Variants in PLXND1 observed in about 807,000 individuals in gnomAD.
PLXND1 encodes plexin-D1.
A neutral mutation model predicts 197.7 loss-of-function variants in PLXND1; 54 were observed. That is an observed-to-expected ratio of 0.27 (90% CI 0.22 to 0.34). The LOEUF (loss-of-function observed/expected upper bound fraction) is 0.34, where lower values mean the gene tolerates loss of function less well. Ranked by LOEUF, PLXND1 falls within the 10% of genes least tolerant of loss-of-function variation. The probability of loss-of-function intolerance (pLI) is 1.00; values close to 1 mark genes in which losing one functional copy is unlikely to be tolerated. For missense variants in PLXND1, 2,127 were observed against 2,699.2 expected, an observed-to-expected ratio of 0.79 and a Z score of 4.70; for synonymous variants, 1,180 against 1,161.2, an observed-to-expected ratio of 1.02 and a Z score of -0.33.
In PLXND1 at chr3:129,572,698, GC is replaced by G; in HGVS notation, c.2987del (p.Gly996AlafsTer13). On this transcript the variant is annotated frameshift_variant, in exon 15 of 36. Transcript: ENST00000324093. LOFTEE classifies it high-confidence loss of function. ...CATTCCCATGGATGGTGATCCTGGTGCCCCCGGCCTTGGGGCCCATGGTAGG... is the reference window on the plus strand; with the variant it reads ...CATTCCCATGGATGGTGATCCTGGTGCCCCGGCCTTGGGGCCCATGGTAGG... ...LEPTMGPKAG[G>X]TRITIHGNDL... 3 of 1,604,012 alleles carry G rather than the reference GC, an allele frequency of 1.9e-6. No homozygotes were observed. The highest frequency in any genetic ancestry group is 1.7e-6 in the Non-Finnish European group (2 of 1,174,906).
intron 8 of PLXND1, among the ~76,000 whole-genome samples, chr3:129,581,039 T>TG (rs2085380432): frequency 6.6e-6 from 1 of 152,104 alleles, no homozygotes; most frequent in African/African-American, 2.4e-5. Flanking sequence ...TCCTCCACTT[T>TG]GCACATCTTT....
At chr3:129,600,053 G>C (rs2085685576) in intron 1 of PLXND1, among the ~76,000 whole-genome samples, 1 of 152,236 alleles carries the variant, frequency 6.6e-6, no homozygotes, top group African/African-American at 2.4e-5. Flanking sequence ...CTCGGCGACG[G>C]TTTTTATTCA....
chr3:129,566,069 T>C, intron 23 of PLXND1, 52 bp from the exon 24 acceptor site: 3 of 1,604,502 alleles, frequency 1.9e-6, no homozygotes, highest in Non-Finnish European at 2.6e-6. Context: ...TGTCCCTGCC[T>C]AGCCTAACAG....
chr3:129,587,737 C>G (rs974729726), intron 2 of PLXND1, among the ~76,000 whole-genome samples: 3 of 152,244 alleles, frequency 2.0e-5, no homozygotes, highest in African/African-American at 7.2e-5. Flanking sequence ...TCTCCACCCC[C>G]TCAACCCTGC....
chr3:129,586,546 GGCTGGTGCTGGGATGGC>G, intron 3 of PLXND1, 25 bp downstream of exon 3: 1 of 1,554,852 alleles, frequency 6.4e-7, no homozygotes, highest in South Asian at 1.2e-5. Flanking sequence ...AAGAGGGCTC[GGCTGGTGCTGGGATGGC>G]GTTGGGCTGG....
chr3:129,560,308 G>A lies in PLXND1; in HGVS notation c.5133+22C>T, dbSNP rs1479150384. 4 of 1,471,348 alleles carry A rather than the reference G, an allele frequency of 2.7e-6. No homozygotes were observed. The South Asian group carries it at 4.5e-5, about 17-fold the overall frequency. The allele number at this position is 1,471,348 out of a possible 1,614,324, so 91.1% of individuals were successfully genotyped here. Reference sequence around the variant, plus strand: ...GGAGCCTTGTACCCACTGCACAGAGGGGAGACTGAGGCCGGACTCACCTTG... The same window carrying A: ...GGAGCCTTGTACCCACTGCACAGAGAGGAGACTGAGGCCGGACTCACCTTG... On this transcript the variant is annotated intron_variant, in intron 31 of 35. Transcript: ENST00000324093.
chr3:129,602,407 G>A (rs1211194080), intron 1 of PLXND1, among the ~76,000 whole-genome samples: 1 of 152,114 alleles, frequency 6.6e-6, no homozygotes, highest in Non-Finnish European at 1.5e-5. Context: ...CCTCTTCTCC[G>A]GCCTCACCTG....
At position 129,558,345 on chromosome 3, in the gene PLXND1, CAG is replaced by C. The variant is rs1274293584; in HGVS notation, c.5445+81_5445+82del. The stretch of plus-strand genomic sequence containing the variant: ...CCAGGAAGATCTCTGAGCTCAGCCT[CAG>C]AGAGTCGAGGAGGCTACCCATGGTC... On this transcript the variant is annotated intron_variant, in intron 33 of 35. Coordinates refer to ENST00000324093, the MANE Select transcript of PLXND1 (RefSeq NM_015103.3). The surrounding 1 kb of genome is among the most constrained non-coding windows in gnomAD (Gnocchi z 4.1). The C allele has an allele frequency of 9.6e-5, 129 of 1,348,010 alleles. 1 individual carries two copies. In the South Asian group the frequency reaches 1.6e-3, roughly 16 times the overall value. The allele number at this position is 1,348,010 out of a possible 1,614,324, so 83.5% of individuals were successfully genotyped here. A position where few individuals can be genotyped will look rare whatever the true frequency, so the allele number is the denominator to read the frequency against.
rs558760248 is a variant in PLXND1 at position 129,563,433 on chromosome 3, G to T, written c.4522-193C>A. Among the ~76,000 whole-genome samples the T allele has an allele frequency of 2.0e-5, 3 of 152,316 alleles. No individual in the cohort carries two copies. In the South Asian group the frequency reaches 6.2e-4, roughly 32 times the overall value. On this transcript the variant is annotated intron_variant, in intron 25 of 35. Coordinates refer to ENST00000324093, the MANE Select transcript of PLXND1 (RefSeq NM_015103.3). ...TGTTCATTAAACACCACCAGCTGTGGGTGGGTGCATTCATTGCATCATCCC... is the reference window on the plus strand; with the variant it reads ...TGTTCATTAAACACCACCAGCTGTGTGTGGGTGCATTCATTGCATCATCCC...
At position 129,602,189 on chromosome 3, in the gene PLXND1, T is replaced by C. The variant is rs560411752; in HGVS notation, c.1311+3140A>G. ...CCCTTCTGCAGCGGGGAGACTCAGG[T>C]GCCTGCTGAGACCACTCCACTTCTC... On this transcript the variant is annotated intron_variant, in intron 1 of 35. Transcript: ENST00000324093. Among the ~76,000 whole-genome samples the C allele has an allele frequency of 3.9e-5, 6 of 152,288 alleles. No individual in the cohort carries two copies. The East Asian group carries it at 1.2e-3, about 29-fold the overall frequency.
chr3:129,586,753 C>A, intron 2 of PLXND1, 34 bp from the exon 3 acceptor site: 4 of 1,590,618 alleles, frequency 2.5e-6, no homozygotes, highest in Non-Finnish European at 3.4e-6. Flanking sequence ...GTGCTGGAGC[C>A]CATAGCAGGG....
At chr3:129,585,105 C>A (rs1313806286) in intron 5 of PLXND1, among the ~76,000 whole-genome samples, 2 of 152,200 alleles carry the variant, frequency 1.3e-5, no homozygotes, top group South Asian at 2.1e-4. Context: ...CTGATGTGTC[C>A]CCAGAGTCCA....
In PLXND1 at chr3:129,555,674, T is replaced by C. The variant is rs1221245367; in HGVS notation, c.*638A>G. The stretch of plus-strand genomic sequence containing the variant: ...GGGCTCCCAGCTCCTGTGCCCCCCA[T>C]CCCTCCCCTCCACCCTCCCTGCTCC... On this transcript the variant is annotated 3_prime_UTR_variant, in exon 36 of 36. Transcript: ENST00000324093. 5.6e-6 allele frequency: 3 copies of C among 533,278 alleles called. No homozygotes were observed. Among genetic ancestry groups the C allele is most frequent in the Non-Finnish European group, 9.8e-6 (3 of 306,690 alleles). The allele number at this position is 533,278 out of a possible 1,614,324, so 33.0% of individuals were successfully genotyped here. A position where few individuals can be genotyped will look rare whatever the true frequency, so the allele number is the denominator to read the frequency against.
chr3:129,561,220 T>C (rs533514338), intron 29 of PLXND1, among the ~76,000 whole-genome samples: 1 of 152,260 alleles, frequency 6.6e-6, no homozygotes, highest in South Asian at 2.1e-4. Flanking sequence ...GACTCTGCTC[T>C]CAACCTTAGA....
At position 129,557,238 on chromosome 3, in the gene PLXND1, G is replaced by A. The variant is rs375293880; in HGVS notation, c.5446-15C>T. 4 of 1,613,778 alleles carry A rather than the reference G, an allele frequency of 2.5e-6. No individual in the cohort carries two copies. Among genetic ancestry groups the A allele is most frequent in the Non-Finnish European group, 3.4e-6 (4 of 1,179,878 alleles). On this transcript the variant is annotated splice_polypyrimidine_tract_variant and intron_variant, in intron 33 of 35. Transcript: ENST00000324093. This position sits in a 1 kb window ranked among gnomAD's most constrained non-coding sequence, Gnocchi z 4.8. ...GTTGGCGAATCCTGGGCAGAGAAGA[G>A]CGAGGGTGTTAGATGGCTGCTGGAG... is the stretch of plus-strand genomic sequence containing the variant.
At chr3:129,589,996 C>T (rs367779841) in intron 1 of PLXND1, among the ~76,000 whole-genome samples, 29 of 152,230 alleles carry the variant, frequency 1.9e-4, no homozygotes, top group Middle Eastern at 3.4e-3. Flanking sequence ...CCTACAGCCC[C>T]GGCTGGCTCT....
At chr3:129,599,337 T>C (rs2085673853) in intron 1 of PLXND1, among the ~76,000 whole-genome samples, 1 of 152,174 alleles carries the variant, frequency 6.6e-6, no homozygotes, top group South Asian at 2.1e-4. Flanking sequence ...ACTTTATAGA[T>C]GGGAAAATGG....
chr3:129,597,199 T>A (rs2085638027), intron 1 of PLXND1, among the ~76,000 whole-genome samples: 1 of 152,192 alleles, frequency 6.6e-6, no homozygotes, highest in African/African-American at 2.4e-5. Context: ...GATCCAAGCC[T>A]CCAGCGCAGG....
chr3:129,577,651 C>T lies in PLXND1; in HGVS notation c.2346+678G>A, dbSNP rs1346662553. Among the ~76,000 whole-genome samples, 2 of 152,108 alleles carry T rather than the reference C, an allele frequency of 1.3e-5. No homozygotes were observed. Among genetic ancestry groups the T allele is most frequent in the South Asian group, 4.1e-4 (2 of 4,836 alleles). ...GAGGTGGGGAGGGGGGTGGCTGGCACGCCTCCAGGACTCGTCAACGCTTCC... is the reference window on the plus strand; with the variant it reads ...GAGGTGGGGAGGGGGGTGGCTGGCATGCCTCCAGGACTCGTCAACGCTTCC... On this transcript the variant is annotated intron_variant, in intron 9 of 35. Transcript: ENST00000324093. The surrounding 1 kb of genome is among the most constrained non-coding windows in gnomAD (Gnocchi z 5.0).
Sources: gnomAD v4.1 joint callset for allele counts (sites outside exome capture counted in the v4.1 genomes callset) on GRCh38, gnomAD v4.1.1 for gene constraint, Gnocchi (gnomAD v3.1) non-coding constraint, MANE v1.5 for transcripts, NCBI Gene and HGNC (gene_info 2026-07-23, HGNC 2026-07-21) for gene names.